The following PTPN4 variants were observed in gnomAD, a reference collection of about 807,000 sequenced individuals.
PTPN4 encodes tyrosine-protein phosphatase non-receptor type 4.
In PTPN4, 49 loss-of-function variants were observed where a neutral mutation model predicts 135.5. The ratio of observed to expected loss-of-function variants is 0.36; its 90% CI spans 0.29 to 0.46. The LOEUF (loss-of-function observed/expected upper bound fraction) is 0.46. Ranked by LOEUF, PTPN4 falls within the 20% of genes least tolerant of loss-of-function variation. The probability of loss-of-function intolerance (pLI) is 1.00; values close to 1 mark genes in which losing one functional copy is unlikely to be tolerated. For synonymous variants in PTPN4, 333 were observed against 369.9 expected (o/e 0.90, Z 1.14); for missense variants, 860 against 1,101.0 (o/e 0.78, Z 3.10).
intron 1 of PTPN4, among the ~76,000 whole-genome samples, chr2:119,772,563 A>G (rs991481207): frequency 9.2e-5 from 14 of 152,058 alleles, no homozygotes; most frequent in Non-Finnish European, 1.6e-4. Context: ...TTTGAGGCGG[A>G]CTTTTGCTCT....
At chr2:119,945,353 C>T in intron 16 of PTPN4, 113 bp downstream of exon 16, 2 of 905,788 alleles carry the variant, frequency 2.2e-6, no homozygotes, top group Non-Finnish European at 3.2e-6. Flanking sequence ...AGTACCTTCT[C>T]TTTTTCATCA....
At chr2:119,929,570 A>G (rs1179925569) in intron 13 of PTPN4, among the ~76,000 whole-genome samples, 4 of 152,164 alleles carry the variant, frequency 2.6e-5, no homozygotes, top group Admixed American at 6.5e-5. Flanking sequence ...GAGAAAAACA[A>G]TGTTCTCATA....
chr2:119,923,626 TAAATC>T (rs938163406), intron 12 of PTPN4, among the ~76,000 whole-genome samples: 12 of 152,192 alleles, frequency 7.9e-5, no homozygotes, highest in Non-Finnish European at 1.5e-4. Flanking sequence ...AACCAGGAGA[TAAATC>T]AGAATAATCC....
chr2:119,929,672 C>A (rs1191253958), intron 13 of PTPN4, among the ~76,000 whole-genome samples: 2 of 152,052 alleles, frequency 1.3e-5, no homozygotes, highest in Non-Finnish European at 2.9e-5. Flanking sequence ...CTGAAATTTC[C>A]ACACTCAACA....
intron 3 of PTPN4, among the ~76,000 whole-genome samples, chr2:119,869,424 C>T (rs1261142122): frequency 6.6e-6 from 1 of 152,218 alleles, no homozygotes; most frequent in Non-Finnish European, 1.5e-5. Context: ...AGTATCTCTA[C>T]TTATTTCTTA....
intron 1 of PTPN4, among the ~76,000 whole-genome samples, chr2:119,807,247 TAG>T (rs1215622763): frequency 6.6e-6 from 1 of 151,818 alleles, no homozygotes; most frequent in African/African-American, 2.4e-5. Flanking sequence ...CTGAAGGAGA[TAG>T]AGACGCAAAA....
intron 2 of PTPN4, among the ~76,000 whole-genome samples, chr2:119,850,302 TTTAC>T (rs1677572329): frequency 6.6e-6 from 1 of 152,156 alleles, no homozygotes; most frequent in Non-Finnish European, 1.5e-5. Flanking sequence ...GGCAGTGTCC[TTTAC>T]TTGATTTGCC....
chr2:119,893,454 G>T (rs568026322), intron 9 of PTPN4, among the ~76,000 whole-genome samples: 1 of 152,156 alleles, frequency 6.6e-6, no homozygotes, highest in South Asian at 2.1e-4. Context: ...AAATCCTCAC[G>T]AAAGAGGGGT....
At chr2:119,791,929 G>T (rs1040105712) in intron 1 of PTPN4, among the ~76,000 whole-genome samples, 1 of 152,012 alleles carries the variant, frequency 6.6e-6, no homozygotes, top group Non-Finnish European at 1.5e-5. Context: ...GACTGTATTG[G>T]TATGCTTGTT....
chr2:119,884,402 A>G (rs1487257470), intron 8 of PTPN4, among the ~76,000 whole-genome samples: 1 of 152,218 alleles, frequency 6.6e-6, no homozygotes, highest in Admixed American at 6.5e-5. Context: ...TGGCCAAGCT[A>G]AATAGTTGCC....
chr2:119,885,956 A>G lies in PTPN4; in HGVS notation c.675+74A>G. On this transcript the variant is annotated intron_variant, in intron 9 of 26. Transcript: ENST00000263708. ...TCAATATAACATTTTTTAAGATTAG[A>G]TAACAAATGGAATAAGTTATGATTG... The G allele has an allele frequency of 1.4e-5, 14 of 1,022,308 alleles. No homozygotes were observed. The South Asian group carries it at 1.4e-4, about 10-fold the overall frequency. The allele number at this position is 1,022,308 out of a possible 1,614,324, so 63.3% of individuals were successfully genotyped here.
At chr2:119,954,793 A>G (rs908407476) in intron 19 of PTPN4, among the ~76,000 whole-genome samples, 1 of 152,180 alleles carries the variant, frequency 6.6e-6, no homozygotes, top group Non-Finnish European at 1.5e-5. Context: ...GTAACTTCTC[A>G]TAGTTAAACA....
At chr2:119,794,589 G>A (rs1691219282) in intron 1 of PTPN4, among the ~76,000 whole-genome samples, 1 of 152,214 alleles carries the variant, frequency 6.6e-6, no homozygotes, top group Non-Finnish European at 1.5e-5. Context: ...GTGGCACCTG[G>A]AAGCTTGGAG....
chr2:119,826,199 T>C (rs1019037831), intron 2 of PTPN4, among the ~76,000 whole-genome samples: 7 of 152,218 alleles, frequency 4.6e-5, no homozygotes, highest in African/African-American at 1.7e-4. Flanking sequence ...TAATTAGCCA[T>C]ATATTTATAG....
chr2:119,814,240 T>C (rs957737845), intron 2 of PTPN4, among the ~76,000 whole-genome samples: 3 of 152,230 alleles, frequency 2.0e-5, no homozygotes, highest in African/African-American at 4.8e-5. Context: ...CTATTCACTA[T>C]GTAGATTTTT....
intron 14 of PTPN4, among the ~76,000 whole-genome samples, chr2:119,934,462 A>C (rs1678952358): frequency 6.6e-6 from 1 of 152,230 alleles, no homozygotes; most frequent in Admixed American, 6.5e-5. Context: ...TTCAGACTAG[A>C]ATATATTTCT....
intron 9 of PTPN4, 26 bp downstream of exon 9, chr2:119,885,908 G>T (rs373958913): frequency 6.8e-7 from 1 of 1,469,826 alleles, no homozygotes; most frequent in Non-Finnish European, 9.2e-7. Context: ...TTACTTTGAT[G>T]TTGTTGAGTT....
rs1690452084 is a variant in PTPN4, at chr2:119,760,153, G to A, written c.-249G>A. On this transcript the variant is annotated 5_prime_UTR_variant, in exon 1 of 27. Coordinates refer to ENST00000263708, the MANE Select transcript of PTPN4 (RefSeq NM_002830.4). The stretch of plus-strand genomic sequence containing the variant: ...TCCCTGCAGGGAGGTAGGAGAGGTC[G>A]CCGGCTGCCCGCCTCCCTGCCACCT... 2 of 392,864 alleles carry A rather than the reference G, an allele frequency of 5.1e-6. No homozygotes were observed. The highest frequency in any genetic ancestry group is 9.0e-6 in the Non-Finnish European group (2 of 222,580). 24.3% of individuals were successfully genotyped at this position (392,864 alleles called of 1,614,324 possible). A position where few individuals can be genotyped will look rare whatever the true frequency, so the allele number is the denominator to read the frequency against.
chr2:119,894,082 T>C (rs1364180302), intron 9 of PTPN4, among the ~76,000 whole-genome samples: 1 of 152,190 alleles, frequency 6.6e-6, no homozygotes, highest in Non-Finnish European at 1.5e-5. Flanking sequence ...AGGAGTATTA[T>C]TATCTCCACT....
Sources: gnomAD v4.1 joint callset for allele counts (sites outside exome capture counted in the v4.1 genomes callset) on GRCh38, gnomAD v4.1.1 for gene constraint, MANE v1.5 for transcripts, NCBI Gene and HGNC (gene_info 2026-07-23, HGNC 2026-07-21) for gene names.